The following CCDC69 variants were observed in gnomAD, a reference collection of about 807,000 sequenced individuals.
CCDC69 encodes coiled-coil domain containing 69.
A neutral mutation model predicts 40.3 loss-of-function variants in CCDC69; 38 were observed. That is an observed-to-expected ratio of 0.94 (90% CI 0.73 to 1.24). The LOEUF is 1.24. Ranked by LOEUF, CCDC69 falls within the 50% of genes most tolerant of loss-of-function variation. The pLI is 0.00. For missense variants in CCDC69, 389 were observed against 357.9 expected (o/e 1.09, Z -0.70); for synonymous variants, 141 against 138.9 (o/e 1.02, Z -0.11).
chr5:151,213,777 A>C (rs1427167098), intron 1 of CCDC69, among the ~76,000 whole-genome samples: 1 of 152,326 alleles, frequency 6.6e-6, no homozygotes, highest in Non-Finnish European at 1.5e-5. Context: ...ATTTCTGATT[A>C]AGTGCTTTGT....
rs1284576644 is a variant in CCDC69, at chr5:151,205,451, G to A, written c.73C>T (p.Gln25Ter). The A allele has an allele frequency of 3.1e-6, 5 of 1,614,012 alleles. No homozygotes were observed. Among genetic ancestry groups the A allele is most frequent in the Non-Finnish European group, 4.2e-6 (5 of 1,179,994 alleles). Residue 25 changes from glutamine to a stop codon, truncating the protein, a stop_gained, in exon 2 of 9, where the codon CAG (glutamine) becomes TAG (stop). Transcript: ENST00000355417. LOFTEE classifies it high-confidence loss of function. ...TCATGGGGCTCTGGTCTGGGTGGCT[G>A]TTCTGGTTCTGGTTCTTGGCGCTTC... is the stretch of plus-strand genomic sequence containing the variant. ...KKKRQEPEPE[Q>*]PPRPEPHELG...
At chr5:151,196,542 C>G (rs1050459668) in intron 4 of CCDC69, among the ~76,000 whole-genome samples, 3 of 152,140 alleles carry the variant, frequency 2.0e-5, no homozygotes, top group African/African-American at 4.8e-5. Flanking sequence ...AAAGCATTTT[C>G]AAGGTCAATT....
At chr5:151,188,041 A>T (rs1476166527) in intron 4 of CCDC69, among the ~76,000 whole-genome samples, 1 of 152,228 alleles carries the variant, frequency 6.6e-6, no homozygotes, top group African/African-American at 2.4e-5. Flanking sequence ...CAAAGGGGTC[A>T]TTTGAGGATC....
chr5:151,183,732 G>C, intron 8 of CCDC69, 118 bp from the exon 9 acceptor site: 2 of 877,470 alleles, frequency 2.3e-6, no homozygotes, highest in South Asian at 3.5e-5. Flanking sequence ...GGTCCCCACT[G>C]CCCTCCTTGT....
At position 151,205,808 on chromosome 5, in the gene CCDC69, G is replaced by A. The variant is rs370452291; in HGVS notation, c.49-333C>T. 4.2e-4 allele frequency among the ~76,000 whole-genome samples: 64 copies of A among 152,288 alleles called. 1 individual carries two copies. Among genetic ancestry groups the A allele is most frequent in the African/African-American group, 1.3e-3 (55 of 41,558 alleles). On this transcript the variant is annotated intron_variant, in intron 1 of 8. Coordinates refer to ENST00000355417, the MANE Select transcript of CCDC69 (RefSeq NM_015621.3). ...CTCTTTCTTCTCCCGGGATCTGGCC[G>A]GACCTGCTATTACCCTCACTCCAGC...
chr5:151,211,562 G>T (rs1457683054), intron 1 of CCDC69, among the ~76,000 whole-genome samples: 1 of 123,072 alleles, frequency 8.1e-6, no homozygotes, highest in Non-Finnish European at 1.6e-5. Flanking sequence ...TGGCTCTGTT[G>T]CCCAGGCTGG....
At chr5:151,195,516 C>T (rs1187898732) in intron 4 of CCDC69, among the ~76,000 whole-genome samples, 5 of 151,924 alleles carry the variant, frequency 3.3e-5, no homozygotes, top group African/African-American at 4.8e-5. Context: ...GTCAGGAATT[C>T]GGGACCAGCC....
At chr5:151,218,963 T>C (rs1301193200) in intron 1 of CCDC69, among the ~76,000 whole-genome samples, 2 of 152,210 alleles carry the variant, frequency 1.3e-5, no homozygotes, top group Non-Finnish European at 2.9e-5. Flanking sequence ...TAGTGTGTTT[T>C]AGGTTGCCAA....
intron 3 of CCDC69, among the ~76,000 whole-genome samples, chr5:151,201,111 G>A (rs1752769267): frequency 6.6e-6 from 1 of 152,148 alleles, no homozygotes; most frequent in South Asian, 2.1e-4. Flanking sequence ...GATTATCCAG[G>A]GATAATCACC....
chr5:151,213,019 A>G, intron 1 of CCDC69: 1 of 394,574 alleles, frequency 2.5e-6, no homozygotes, highest in South Asian at 1.8e-5. Context: ...TAGAACCCTG[A>G]ACTCTAACAG....
At chr5:151,185,320 TG>T in intron 7 of CCDC69, 101 bp downstream of exon 7, 1 of 1,347,334 alleles carries the variant, frequency 7.4e-7, no homozygotes, top group Non-Finnish European at 1.0e-6. Context: ...TGAACTAGGC[TG>T]GGACCTCCTC....
At chr5:151,191,165 T>C (rs979619497) in intron 4 of CCDC69, among the ~76,000 whole-genome samples, 2 of 150,844 alleles carry the variant, frequency 1.3e-5, no homozygotes, top group African/African-American at 4.9e-5. Flanking sequence ...ATAGATGTTA[T>C]AGGTAGGTAA....
In CCDC69 at chr5:151,198,289, T is replaced by TCGA. The variant is rs1752727466; in HGVS notation, c.319+707_319+708insTCG. ...GGGACTGGAGCTCTAGAGAATGAGA[T>TCGA]TGATCTATCTATCTATCTATCTATC... On this transcript the variant is annotated intron_variant, in intron 4 of 8. Coordinates refer to ENST00000355417, the MANE Select transcript of CCDC69 (RefSeq NM_015621.3). Among the ~76,000 whole-genome samples the TCGA allele has an allele frequency of 5.1e-5, 7 of 137,360 alleles. No homozygotes were observed. In the South Asian group the frequency reaches 6.9e-4, roughly 13 times the overall value. The allele number at this position is 137,360 out of a possible 152,430, so 90.1% of individuals were successfully genotyped here.
intron 4 of CCDC69, among the ~76,000 whole-genome samples, chr5:151,192,472 C>T (rs1752628026): frequency 6.6e-6 from 1 of 151,442 alleles, no homozygotes; most frequent in Non-Finnish European, 1.5e-5. Context: ...CCAAAACTCA[C>T]CCAAGGTGAA....
chr5:151,194,824 G>A (rs529004069), intron 4 of CCDC69, among the ~76,000 whole-genome samples: 49 of 150,908 alleles, frequency 3.2e-4, no homozygotes, highest in Middle Eastern at 3.4e-3. Context: ...CCCGGGAGGC[G>A]GAGGTTGCAG....
chr5:151,187,959 A>G (rs535537209), intron 4 of CCDC69, among the ~76,000 whole-genome samples: 1 of 152,176 alleles, frequency 6.6e-6, no homozygotes, highest in Admixed American at 6.5e-5. Context: ...CCTTGAGAAG[A>G]TCATATCAGA....
At chr5:151,200,733 T>A (rs367736820) in intron 3 of CCDC69, among the ~76,000 whole-genome samples, 1 of 152,242 alleles carries the variant, frequency 6.6e-6, no homozygotes, top group South Asian at 2.1e-4. Context: ...TCATGTTTCA[T>A]GGCCTTGACA....
rs1474556654 is a variant in CCDC69 at position 151,201,613 on chromosome 5, TG to T, written c.199del (p.His67MetfsTer18). On this transcript the variant is annotated frameshift_variant, in exon 3 of 9. Coordinates refer to ENST00000355417, the MANE Select transcript of CCDC69 (RefSeq NM_015621.3). LOFTEE classifies it high-confidence loss of function. ...TGCCCATTTCTTCTTTTCCTCCTCA[TG>T]TTGCTGGAGAATTCTGGTTATATCC... The part of the protein sequence containing the change: ...QKDITRILQQ[H>X]EEEKKKWAQQ... The T allele has an allele frequency of 1.2e-6, 2 of 1,613,560 alleles. No individual in the cohort carries two copies. The highest frequency in any genetic ancestry group is 2.7e-5 in the African/African-American group (2 of 75,004).
chr5:151,196,367 C>T (rs1057240334), intron 4 of CCDC69, among the ~76,000 whole-genome samples: 2 of 152,108 alleles, frequency 1.3e-5, no homozygotes, highest in Admixed American at 6.5e-5. Flanking sequence ...TCATGTTGGC[C>T]AGGCTGGTCT....
Sources: allele counts gnomAD v4.1 joint callset (sites outside exome capture counted in the v4.1 genomes callset), GRCh38; gene constraint gnomAD v4.1.1; transcripts MANE v1.5; gene names NCBI Gene and HGNC (gene_info 2026-07-23, HGNC 2026-07-21).